SPART: variants seen among roughly 807,000 people sequenced by gnomAD.
The protein encoded by SPART is spastic paraplegia 20 (Troyer syndrome).
Under a neutral mutation model 58.7 loss-of-function variants are expected in SPART, and 35 were observed. That is an observed-to-expected ratio of 0.60 (90% CI 0.46 to 0.79). SPART has a LOEUF of 0.79. Ranked by LOEUF, SPART falls within the 30% of genes least tolerant of loss-of-function variation. The pLI, the probability that SPART is intolerant of heterozygous loss-of-function variation, is 0.00. For synonymous variants in SPART, 284 were observed against 280.7 expected (o/e 1.01, Z -0.12); for missense variants, 730 against 786.1 (o/e 0.93, Z 0.85).
At chr13:36,367,677 T>C (rs1886116959) in intron 1 of SPART, among the ~76,000 whole-genome samples, 1 of 152,166 alleles carries the variant, frequency 6.6e-6, no homozygotes, top group Admixed American at 6.5e-5. Flanking sequence ...GAACAGAAGA[T>C]CTGAAGTAAA....
At chr13:36,325,273 T>G (rs1593247876) in intron 5 of SPART, among the ~76,000 whole-genome samples, 1 of 152,124 alleles carries the variant, frequency 6.6e-6, no homozygotes, top group South Asian at 2.1e-4. Flanking sequence ...AGTGAAAAGA[T>G]TTTTCATTGC....
rs1334364262 is a variant in SPART, at chr13:36,335,400, T to C, written c.431A>G (p.Asn144Ser). 1.2e-6 allele frequency: 2 copies of C among 1,614,106 alleles called. No individual in the cohort carries two copies. The highest frequency in any genetic ancestry group is 2.2e-5 in the East Asian group (1 of 44,868). Reference protein sequence around the residue: ...SAPQHAEVNGNTSTPSAGAVA... With the variant: ...SAPQHAEVNGSTSTPSAGAVA... ...TGCCCCTGCACTTGGAGTTGAGGTGTTTCCATTTACTTCAGCATGCTGAGG... is the reference window on the plus strand; with the variant it reads ...TGCCCCTGCACTTGGAGTTGAGGTGCTTCCATTTACTTCAGCATGCTGAGG... The change falls in exon 2 of 9, where the codon AAC (asparagine) becomes AGC (serine). Residue 144 changes from asparagine (N) to serine (S), a missense_variant. Coordinates refer to ENST00000438666, the MANE Select transcript of SPART (RefSeq NM_015087.5).
chr13:36,349,018 C>T (rs896010505), upstream of SPART, among the ~76,000 whole-genome samples: 2 of 152,272 alleles, frequency 1.3e-5, no homozygotes, highest in African/African-American at 4.8e-5. Context: ...AATCCCAGCA[C>T]TTTGGGAGGC....
In SPART at chr13:36,312,145, T is replaced by A. The variant is rs1161990281; in HGVS notation, c.1733A>T (p.Lys578Ile). 1.2e-6 allele frequency: 2 copies of A among 1,612,130 alleles called. No individual in the cohort carries two copies. The highest frequency in any genetic ancestry group is 1.7e-6 in the Non-Finnish European group (2 of 1,178,232). ...GTCATTAAAATAAAATTCAACTTAC[T>A]TGTATCTGACAGTTTGTACAGTTTC... ...SAETVQTVRYKYGYNAGEATH... is the reference protein window; with the variant it reads ...SAETVQTVRYIYGYNAGEATH... Residue 578 changes from lysine to isoleucine, a missense_variant and splice_region_variant, in exon 8 of 9, where the codon AAA becomes ATA. Physicochemically the swap from Lys to Ile is moderately radical, Grantham distance 102. Coordinates refer to ENST00000438666, the MANE Select transcript of SPART (RefSeq NM_015087.5).
In SPART at chr13:36,335,629, C is replaced by A. The variant is rs1010716902; in HGVS notation, c.202G>T (p.Gly68Cys). 1.2e-6 allele frequency: 2 copies of A among 1,613,952 alleles called. No homozygotes were observed. Among genetic ancestry groups the A allele is most frequent in the Non-Finnish European group, 1.7e-6 (2 of 1,180,000 alleles). ...TGTCTAGCAGATTCCCACCCAGGAC[C>A]TGTGTGTTCAGACTCTTTTGATGAA... Reference protein sequence around the residue: ...SISSKESEHTGPGWESARQMQ... With the variant: ...SISSKESEHTCPGWESARQMQ... Residue 68 changes from glycine (G) to cysteine (C), a missense_variant, in exon 2 of 9, where the codon GGT becomes TGT. Coordinates refer to ENST00000438666, the MANE Select transcript of SPART (RefSeq NM_015087.5).
chr13:36,312,458 T>A lies in SPART; in HGVS notation c.1503A>T (p.Val501=). 6.2e-7 allele frequency: 1 copy of A among 1,614,134 alleles called. No individual in the cohort carries two copies. The highest frequency in any genetic ancestry group is 8.5e-7 in the Non-Finnish European group (1 of 1,180,028). ...CTAGTTCTTTTCCAACGCAATTTGC[T>A]ACAGTGCAAACTCCATCAACTAATA... ...SQFLVDGVCT[V]ANCVGKELAP... is the part of the protein sequence containing the mutation. Residue 501 remains valine (V), a synonymous_variant, in exon 7 of 9, where the codon GTA becomes GTT. Transcript: ENST00000438666.
At chr13:36,345,035 C>G (rs1884938369) in intron 1 of SPART, among the ~76,000 whole-genome samples, 1 of 152,140 alleles carries the variant, frequency 6.6e-6, no homozygotes, top group African/African-American at 2.4e-5. Flanking sequence ...TCCATAAACA[C>G]TGAAAGAAGT....
intron 6 of SPART, 94 bp downstream of exon 6, chr13:36,314,133 T>C (rs1881422128): frequency 7.9e-7 from 1 of 1,270,900 alleles, no homozygotes; most frequent in East Asian, 2.5e-5. Context: ...ATTCTTGAGA[T>C]TAAACCATCT....
chr13:36,365,671 T>C (rs1200919350), intron 1 of SPART: 1 of 456,724 alleles, frequency 2.2e-6, no homozygotes, highest in African/African-American at 2.0e-5. Context: ...GGAATTTTAA[T>C]TTGTATATAC....
intron 1 of SPART, among the ~76,000 whole-genome samples, chr13:36,340,372 A>AAAAT (rs573496127): frequency 3.9e-5 from 6 of 151,948 alleles, no homozygotes; most frequent in East Asian, 1.9e-4. Context: ...CAAAAAAATA[A>AAAAT]AAATAAATAA....
At chr13:36,318,295 A>T (rs1232196759) in intron 5 of SPART, among the ~76,000 whole-genome samples, 1 of 152,148 alleles carries the variant, frequency 6.6e-6, no homozygotes, top group Non-Finnish European at 1.5e-5. Flanking sequence ...CTGGAGCTAA[A>T]GCCATAGTCA....
chr13:36,326,314 A>T (rs1882927322), intron 5 of SPART: 2 of 458,160 alleles, frequency 4.4e-6, no homozygotes, highest in Non-Finnish European at 7.9e-6. Flanking sequence ...AGAACTATTA[A>T]GAATTTGAAG....
intron 5 of SPART, among the ~76,000 whole-genome samples, chr13:36,320,729 C>T (rs1340642191): frequency 6.6e-6 from 1 of 152,150 alleles, no homozygotes; most frequent in Non-Finnish European, 1.5e-5. Context: ...TAGGTAGACA[C>T]TTTCACTGGA....
intron 8 of SPART, among the ~76,000 whole-genome samples, chr13:36,309,768 A>G (rs915091363): frequency 3.3e-5 from 5 of 152,190 alleles, no homozygotes; most frequent in Non-Finnish European, 7.3e-5. Context: ...AAGACCATCT[A>G]TTGGGTACTA....
chr13:36,364,932 A>G (rs1198984219), intron 1 of SPART, among the ~76,000 whole-genome samples: 3 of 152,182 alleles, frequency 2.0e-5, no homozygotes, highest in African/African-American at 7.2e-5. Context: ...AGGGATCTGC[A>G]CACAGGGCCA....
chr13:36,350,326 A>G (rs894658569), upstream of SPART, among the ~76,000 whole-genome samples: 2 of 152,194 alleles, frequency 1.3e-5, no homozygotes, highest in African/African-American at 4.8e-5. Flanking sequence ...GTCAGGAACT[A>G]TCTCCGTTTT....
intron 1 of SPART, among the ~76,000 whole-genome samples, chr13:36,362,673 C>T (rs1309270575): frequency 6.7e-6 from 1 of 148,280 alleles, no homozygotes; most frequent in East Asian, 1.9e-4. Context: ...AGGAGCCCTA[C>T]TCCTCCACCA....
intron 5 of SPART, among the ~76,000 whole-genome samples, chr13:36,315,427 C>G (rs955108056): frequency 4.6e-5 from 7 of 152,196 alleles, no homozygotes; most frequent in Non-Finnish European, 1.0e-4. Flanking sequence ...TATGTTCTCT[C>G]AAGGTCTGTG....
At chr13:36,368,892 G>C (rs566637230) in intron 1 of SPART, among the ~76,000 whole-genome samples, 1 of 152,102 alleles carries the variant, frequency 6.6e-6, no homozygotes, top group Non-Finnish European at 1.5e-5. Context: ...CCAGCTACTC[G>C]GGAGGCTGAG....
Sources: allele counts gnomAD v4.1 joint callset (sites outside exome capture counted in the v4.1 genomes callset), GRCh38; gene constraint gnomAD v4.1.1; transcripts MANE v1.5; gene names NCBI Gene and HGNC (gene_info 2026-07-23, HGNC 2026-07-21).